ANO3: variants seen among roughly 807,000 people sequenced by gnomAD.
ANO3 encodes anoctamin-3.
A neutral mutation model predicts 144.8 loss-of-function variants in ANO3; 99 were observed. The observed-to-expected ratio is 0.68, with a 90% CI of 0.58 to 0.81. The LOEUF (loss-of-function observed/expected upper bound fraction) is 0.81. ANO3 is among the 30% of genes least tolerant of loss of function. The pLI, the probability that ANO3 is intolerant of heterozygous loss-of-function variation, is 0.00. For synonymous variants in ANO3, 414 were observed against 392.6 expected (o/e 1.05, Z -0.64); for missense variants, 905 against 1,202.2 (o/e 0.75, Z 3.66).
rs1222182696 is a variant in ANO3, at chr11:26,509,402, G to A, written c.591+1140G>A. The stretch of plus-strand genomic sequence containing the variant: ...GCGATCTTGGCTTAATGCAACCTCT[G>A]CCTCCCGGGCTCAAGCAATTCTGCC... On this transcript the variant is annotated intron_variant, in intron 5 of 26. Transcript: ENST00000256737. Among the ~76,000 whole-genome samples, 4 of 151,670 alleles carry A rather than the reference G, an allele frequency of 2.6e-5. No individual in the cohort carries two copies. In the East Asian group the frequency reaches 7.8e-4, roughly 30 times the overall value.
At chr11:26,277,331 C>G (rs1040157062) in intron 1 of ANO3, among the ~76,000 whole-genome samples, 1 of 151,942 alleles carries the variant, frequency 6.6e-6, no homozygotes, top group African/African-American at 2.4e-5. Context: ...TAGAATTGCC[C>G]ACGCTACATT....
At chr11:26,329,292 CTTT>C (rs1854972123), upstream of ANO3, among the ~76,000 whole-genome samples, 4 of 130,430 alleles carry the variant, frequency 3.1e-5, no homozygotes, top group African/African-American at 1.1e-4. Flanking sequence ...TACTTTCTTT[CTTT>C]ACACACACAC....
intron 4 of ANO3, among the ~76,000 whole-genome samples, chr11:26,466,741 A>T (rs1330419712): frequency 6.6e-6 from 1 of 151,974 alleles, no homozygotes; most frequent in Non-Finnish European, 1.5e-5. Context: ...CTGTGCACAG[A>T]ATCATGAGCC....
At chr11:26,209,159 T>C (rs117533294) in intron 1 of ANO3, among the ~76,000 whole-genome samples, 2,097 of 152,288 alleles carry the variant, frequency 0.014, 13 homozygotes, top group South Asian at 0.017. Flanking sequence ...TGCTACCCCT[T>C]GACAGGCCCC....
chr11:26,251,697 G>A (rs945479083), intron 1 of ANO3, among the ~76,000 whole-genome samples: 1 of 152,126 alleles, frequency 6.6e-6, no homozygotes, highest in African/African-American at 2.4e-5. Flanking sequence ...GCATGGCTGG[G>A]GAGGCCTCAG....
intron 14 of ANO3, chr11:26,562,947 T>A: frequency 1.1e-6 from 1 of 902,506 alleles, no homozygotes; most frequent in Non-Finnish European, 1.5e-6. Context: ...GGTCTATAAT[T>A]ATTTTGGTTT....
Position 26,332,217 on chromosome 11 carries a change from T to C in ANO3, c.-59T>C. The stretch of plus-strand genomic sequence containing the variant: ...CTTGGAGCGTCTAGAGTCTGGCTAC[T>C]GTTCCTCCGCCTCCCTCTCGGGCAG... On this transcript the variant is annotated 5_prime_UTR_variant, in exon 1 of 27. Transcript: ENST00000256737. 1.2e-6 allele frequency: 2 copies of C among 1,614,050 alleles called. No individual in the cohort carries two copies. The highest frequency in any genetic ancestry group is 1.7e-6 in the Non-Finnish European group (2 of 1,179,984).
chr11:26,640,135 C>G (rs951053905), intron 21 of ANO3, among the ~76,000 whole-genome samples: 15 of 152,054 alleles, frequency 9.9e-5, no homozygotes, highest in Admixed American at 7.2e-4. Context: ...TTACAGGCAG[C>G]CTTAGAGTAT....
intron 5 of ANO3, among the ~76,000 whole-genome samples, chr11:26,514,735 G>C (rs1861797772): frequency 6.6e-6 from 1 of 152,034 alleles, no homozygotes; most frequent in Non-Finnish European, 1.5e-5. Context: ...AAGAACTTTT[G>C]TAAGCATAAA....
intron 1 of ANO3, among the ~76,000 whole-genome samples, chr11:26,404,230 G>T (rs1483467769): frequency 6.6e-6 from 1 of 151,742 alleles, no homozygotes; most frequent in African/African-American, 2.4e-5. Flanking sequence ...ATTAGAACAT[G>T]AAACTACATT....
chr11:26,659,389 G>A (rs1190921870), intron 26 of ANO3, among the ~76,000 whole-genome samples: 1 of 149,906 alleles, frequency 6.7e-6, no homozygotes, highest in Non-Finnish European at 1.5e-5. Flanking sequence ...CATTACTTTT[G>A]TCAGTTCATT....
chr11:26,372,957 A>G (rs574823929), intron 1 of ANO3, among the ~76,000 whole-genome samples: 1 of 152,328 alleles, frequency 6.6e-6, no homozygotes, highest in East Asian at 1.9e-4. Flanking sequence ...AAATCCCAAA[A>G]ATATAAAGGA....
intron 18 of ANO3, among the ~76,000 whole-genome samples, chr11:26,627,788 A>G (rs1453821249): frequency 1.3e-5 from 2 of 150,188 alleles, no homozygotes; most frequent in African/African-American, 4.9e-5. Flanking sequence ...AAAAATATTG[A>G]TAGTTTGATT....
chr11:26,382,532 C>G (rs1160593858), intron 1 of ANO3, among the ~76,000 whole-genome samples: 4 of 152,052 alleles, frequency 2.6e-5, no homozygotes, highest in African/African-American at 9.7e-5. Context: ...AAAAATTAGT[C>G]TTATTTTTTA....
chr11:26,654,807 C>T (rs72881784), intron 24 of ANO3, among the ~76,000 whole-genome samples: 6,415 of 152,076 alleles, frequency 0.042, 172 homozygotes, highest in Non-Finnish European at 0.065. Flanking sequence ...TATTATGTCT[C>T]CAGTTGAATT....
intron 24 of ANO3, among the ~76,000 whole-genome samples, chr11:26,654,481 T>C (rs559319737): frequency 6.6e-6 from 1 of 152,124 alleles, no homozygotes; most frequent in East Asian, 1.9e-4. Flanking sequence ...CCTTGATAAA[T>C]TCACTCATTA....
At chr11:26,329,283 A>ACTTT (rs1001567993), upstream of ANO3, among the ~76,000 whole-genome samples, 1 of 146,016 alleles carries the variant, frequency 6.8e-6, no homozygotes, top group Non-Finnish European at 1.5e-5. Context: ...TCCAAAACGT[A>ACTTT]CTTTCTTTCT....
At chr11:26,313,967 C>A (rs1389306694) in intron 1 of ANO3, among the ~76,000 whole-genome samples, 16 of 151,594 alleles carry the variant, frequency 1.1e-4, no homozygotes. Context: ...TTTTTCTCAA[C>A]ATGAAAAGTT....
chr11:26,516,665 T>G (rs543046623), intron 5 of ANO3, among the ~76,000 whole-genome samples, 162 bp from the exon 6 acceptor site: 8 of 150,222 alleles, frequency 5.3e-5, no homozygotes, highest in Non-Finnish European at 1.2e-4. Context: ...TCAAGGTCTT[T>G]CTTCATTAAG....
Sources: gnomAD v4.1 joint callset for allele counts (sites outside exome capture counted in the v4.1 genomes callset) on GRCh38, gnomAD v4.1.1 for gene constraint, MANE v1.5 for transcripts, NCBI Gene and HGNC (gene_info 2026-07-23, HGNC 2026-07-21) for gene names.